The following NTRK3 variants were observed in gnomAD, a reference collection of about 807,000 sequenced individuals.
The protein encoded by NTRK3 is NT-3 growth factor receptor.
A neutral mutation model predicts 91.7 loss-of-function variants in NTRK3; 24 were observed. That is an observed-to-expected ratio of 0.26 (90% CI 0.19 to 0.37). The LOEUF (loss-of-function observed/expected upper bound fraction) is 0.37, where lower values mean the gene tolerates loss of function less well. NTRK3 is among the 10% of genes least tolerant of loss of function. The pLI is 1.00. For synonymous variants in NTRK3, 483 were observed against 404.0 expected (o/e 1.20, Z -2.34); for missense variants, 880 against 1,068.9 (o/e 0.82, Z 2.46).
chr15:88,128,747 G>A lies in NTRK3; in HGVS notation c.1205-13C>T, dbSNP rs376881078. Reference sequence around the variant, plus strand: ...TTATCCGTGCTCTCTGCAAAAAAAGGACAAAGAGATAATTAACAAATTTAA... The same window carrying A: ...TTATCCGTGCTCTCTGCAAAAAAAGAACAAAGAGATAATTAACAAATTTAA... On this transcript the variant is annotated splice_polypyrimidine_tract_variant and intron_variant, in intron 10 of 18. Transcript: ENST00000394480. 4 of 1,613,368 alleles carry A rather than the reference G, an allele frequency of 2.5e-6. No individual in the cohort carries two copies. Among genetic ancestry groups the A allele is most frequent in the Middle Eastern group, 1.6e-4 (1 of 6,062 alleles).
At chr15:88,226,878 C>T (rs969790580) in intron 3 of NTRK3, among the ~76,000 whole-genome samples, 1 of 152,260 alleles carries the variant, frequency 6.6e-6, no homozygotes, top group Non-Finnish European at 1.5e-5. Flanking sequence ...CCCCATTTTA[C>T]AGAGCAGCAA....
chr15:87,881,211 G>C (rs982621540), intron 17 of NTRK3, among the ~76,000 whole-genome samples: 10 of 152,206 alleles, frequency 6.6e-5, no homozygotes, highest in Non-Finnish European at 1.3e-4. Flanking sequence ...AGAGATGTTA[G>C]CATAAGTGGG....
intron 13 of NTRK3, among the ~76,000 whole-genome samples, chr15:88,087,775 G>T (rs889052601): frequency 1.3e-5 from 2 of 152,218 alleles, no homozygotes; most frequent in Non-Finnish European, 2.9e-5. Flanking sequence ...CTGGCTGGGT[G>T]TGGTGGCTCA....
At chr15:87,912,929 A>ATACAT in intron 17 of NTRK3, among the ~76,000 whole-genome samples, 1 of 15,092 alleles carries the variant, frequency 6.6e-5, no homozygotes, top group South Asian at 2.8e-3. Flanking sequence ...AAAGTAAAAA[A>ATACAT]AAATATATAT....
At chr15:88,028,246 G>A (rs967957631) in intron 14 of NTRK3, among the ~76,000 whole-genome samples, 1 of 152,200 alleles carries the variant, frequency 6.6e-6, no homozygotes, top group Non-Finnish European at 1.5e-5. Flanking sequence ...TTCAGCTATG[G>A]TTGGACGTGA....
chr15:87,914,599 C>T (rs544578575), intron 17 of NTRK3, among the ~76,000 whole-genome samples: 3 of 152,256 alleles, frequency 2.0e-5, no homozygotes, highest in South Asian at 2.1e-4. Flanking sequence ...CTGTGCTAAA[C>T]GTGGGTGAGC....
intron 12 of NTRK3, 47 bp downstream of exon 12, chr15:88,127,115 A>C: frequency 6.7e-7 from 1 of 1,496,592 alleles, no homozygotes; most frequent in Non-Finnish European, 9.3e-7. Flanking sequence ...AAGTCTGAAA[A>C]TGACTATGCC....
chr15:87,978,067 T>C (rs916506404), intron 14 of NTRK3: 18 of 231,922 alleles, frequency 7.8e-5, no homozygotes, highest in Non-Finnish European at 1.2e-4. Context: ...GGAGGCCCCA[T>C]GGGCCAGTGG....
At position 88,184,317 on chromosome 15, in the gene NTRK3, A is replaced by G. The variant is rs2046774244; in HGVS notation, c.249-18T>C. On this transcript the variant is annotated intron_variant, in intron 3 of 18. Coordinates refer to ENST00000394480, the Ensembl canonical transcript of NTRK3. ...CTATGTGTCTGCAGGGGAGGAGGAAAGGTAACGGTCAGCCAGAAGCAACAG... is the reference window on the plus strand; with the variant it reads ...CTATGTGTCTGCAGGGGAGGAGGAAGGGTAACGGTCAGCCAGAAGCAACAG... The G allele has an allele frequency of 1.2e-6, 2 of 1,613,210 alleles. No individual in the cohort carries two copies. The highest frequency in any genetic ancestry group is 1.7e-6 in the Non-Finnish European group (2 of 1,179,490).
intron 13 of NTRK3, among the ~76,000 whole-genome samples, chr15:88,104,560 T>C (rs1410887209): frequency 6.6e-6 from 1 of 152,228 alleles, no homozygotes; most frequent in East Asian, 1.9e-4. Flanking sequence ...AGCCTCATGA[T>C]GGTGGCACTT....
chr15:88,041,610 C>T (rs1278055010), intron 13 of NTRK3, among the ~76,000 whole-genome samples: 1 of 152,106 alleles, frequency 6.6e-6, no homozygotes, highest in Non-Finnish European at 1.5e-5. Context: ...AGCCCCAGTC[C>T]CTCAGTGAGG....
At chr15:87,878,736 C>T (rs1011110423) in intron 18 of NTRK3, among the ~76,000 whole-genome samples, 3 of 152,180 alleles carry the variant, frequency 2.0e-5, no homozygotes, top group Non-Finnish European at 1.5e-5. Context: ...GCCTTTAAGG[C>T]CAATGCCTCT....
At chr15:88,129,307 C>A (rs1053600865) in intron 10 of NTRK3, among the ~76,000 whole-genome samples, 1 of 152,184 alleles carries the variant, frequency 6.6e-6, no homozygotes, top group Non-Finnish European at 1.5e-5. Flanking sequence ...ATCCTTATTG[C>A]ACATTGATTA....
intron 3 of NTRK3, among the ~76,000 whole-genome samples, chr15:88,224,877 T>A (rs1374293473): frequency 6.6e-6 from 1 of 152,188 alleles, no homozygotes; most frequent in African/African-American, 2.4e-5. Context: ...CCCTCACTCT[T>A]GGCACTGGAG....
chr15:87,952,619 T>C (rs961140893), intron 14 of NTRK3, among the ~76,000 whole-genome samples: 1 of 152,196 alleles, frequency 6.6e-6, no homozygotes, highest in African/African-American at 2.4e-5. Flanking sequence ...CGGCTCACCC[T>C]GTGCGCACTC....
chr15:88,140,303 T>G (rs895333665), intron 6 of NTRK3, among the ~76,000 whole-genome samples: 1 of 152,212 alleles, frequency 6.6e-6, no homozygotes, highest in Non-Finnish European at 1.5e-5. Flanking sequence ...TACAGTTGTG[T>G]AGTTTGAGCA....
intron 13 of NTRK3, among the ~76,000 whole-genome samples, chr15:88,061,291 G>T (rs1016826271): frequency 6.6e-6 from 1 of 152,146 alleles, no homozygotes; most frequent in Non-Finnish European, 1.5e-5. Context: ...AAAAGAGTAC[G>T]GTCAAGTTTG....
At chr15:88,232,981 C>T (rs754938338) in intron 3 of NTRK3, among the ~76,000 whole-genome samples, 10 of 152,292 alleles carry the variant, frequency 6.6e-5, no homozygotes, top group Non-Finnish European at 8.8e-5. Flanking sequence ...GGGGGCACCT[C>T]CACCCAGACC....
chr15:87,899,804 G>T (rs967449417), intron 17 of NTRK3, among the ~76,000 whole-genome samples: 6 of 152,246 alleles, frequency 3.9e-5, no homozygotes, highest in African/African-American at 1.4e-4. Flanking sequence ...CAGGCTACAG[G>T]CTGCCTTATC....
Sources: allele counts gnomAD v4.1 joint callset (sites outside exome capture counted in the v4.1 genomes callset), GRCh38; gene constraint gnomAD v4.1.1; transcripts MANE v1.5; gene names NCBI Gene and HGNC (gene_info 2026-07-23, HGNC 2026-07-21).